MYRFL: variants seen among roughly 807,000 people sequenced by gnomAD.
The protein encoded by MYRFL is myelin regulatory factor like.
MYRFL carries 88 observed loss-of-function variants against 109.4 expected under a neutral mutation model. The observed-to-expected ratio is 0.80, with a 90% CI of 0.68 to 0.96. The LOEUF (loss-of-function observed/expected upper bound fraction) is 0.96, where lower values mean the gene tolerates loss of function less well. Ranked by LOEUF, MYRFL falls within the 40% of genes least tolerant of loss-of-function variation. MYRFL has a pLI of 0.00. For missense variants in MYRFL, 957 were observed against 954.9 expected (o/e 1.00, Z -0.03); for synonymous variants, 324 against 320.9 (o/e 1.01, Z -0.10).
intron 16 of MYRFL, among the ~76,000 whole-genome samples, chr12:69,934,101 G>A (rs958570411): frequency 6.6e-6 from 1 of 152,170 alleles, no homozygotes; most frequent in Non-Finnish European, 1.5e-5. Context: ...TTTAGAATTG[G>A]AATGGGGAGA....
chr12:69,846,781 C>G (rs1434752214), intron 1 of MYRFL, among the ~76,000 whole-genome samples: 2 of 151,804 alleles, frequency 1.3e-5, no homozygotes, highest in Admixed American at 1.3e-4. Context: ...ACACTGACTT[C>G]CACAAGGGTT....
chr12:69,905,391 T>C (rs999088410), intron 11 of MYRFL, among the ~76,000 whole-genome samples: 1 of 152,198 alleles, frequency 6.6e-6, no homozygotes, highest in East Asian at 1.9e-4. Flanking sequence ...TAAAAAGCCT[T>C]CTCCATCTAA....
intron 19 of MYRFL, among the ~76,000 whole-genome samples, chr12:69,944,980 AAT>A (rs201836452): frequency 0.035 from 5,279 of 152,246 alleles, 312 homozygotes; most frequent in African/African-American, 0.12. Context: ...CATTAATACA[AAT>A]TTTTTTAACG....
intron 10 of MYRFL, 80 bp downstream of exon 10, chr12:69,897,326 C>A: frequency 1.1e-6 from 1 of 924,650 alleles, no homozygotes; most frequent in Non-Finnish European, 1.7e-6. Context: ...CAATGGTGTG[C>A]TTGAATATGC....
intron 1 of MYRFL, among the ~76,000 whole-genome samples, chr12:69,829,890 C>T (rs140896577): frequency 3.0e-4 from 45 of 152,186 alleles, no homozygotes; most frequent in African/African-American, 8.9e-4. Flanking sequence ...GAGAACAGAA[C>T]CTGCCCAGTG....
chr12:69,910,140 T>A, intron 12 of MYRFL, 63 bp downstream of exon 12: 1 of 1,111,548 alleles, frequency 9.0e-7, no homozygotes, highest in Non-Finnish European at 1.3e-6. Context: ...AATTACCTCT[T>A]TATTTTGAGG....
At chr12:69,854,238 G>A (rs945850952) in intron 1 of MYRFL, among the ~76,000 whole-genome samples, 13 of 152,194 alleles carry the variant, frequency 8.5e-5, no homozygotes, top group African/African-American at 2.6e-4. Context: ...TCAGGCACTC[G>A]GCAGGCTGAG....
intron 16 of MYRFL, 69 bp from the exon 17 acceptor site, chr12:69,936,044 T>TGAGA (rs1206924687): frequency 3.2e-5 from 47 of 1,487,720 alleles, no homozygotes; most frequent in Non-Finnish European, 1.2e-5. Context: ...GCTGGATGTG[T>TGAGA]GAGATATATC....
chr12:69,887,022 C>G, intron 6 of MYRFL, 52 bp downstream of exon 6: 1 of 1,519,104 alleles, frequency 6.6e-7, no homozygotes, highest in Non-Finnish European at 8.8e-7. Flanking sequence ...AGTGCTAAAT[C>G]TCAGTACTGA....
intron 15 of MYRFL, among the ~76,000 whole-genome samples, chr12:69,929,677 T>G (rs1045417699): frequency 6.6e-6 from 1 of 152,068 alleles, no homozygotes; most frequent in Non-Finnish European, 1.5e-5. Flanking sequence ...AAACAGATAG[T>G]AAAAAGGAGG....
chr12:69,860,364 G>A (rs1359686173), intron 2 of MYRFL, among the ~76,000 whole-genome samples: 2 of 151,966 alleles, frequency 1.3e-5, no homozygotes, highest in Non-Finnish European at 2.9e-5. Flanking sequence ...GGACATTTAG[G>A]TTGATTCCAT....
At chr12:69,930,728 C>T (rs960115340) in intron 15 of MYRFL, among the ~76,000 whole-genome samples, 3 of 150,044 alleles carry the variant, frequency 2.0e-5, no homozygotes, top group African/African-American at 7.4e-5. Flanking sequence ...GGGAGGATCG[C>T]TTGAGCCCAG....
intron 19 of MYRFL, among the ~76,000 whole-genome samples, chr12:69,950,122 T>A (rs539576177): frequency 2.2e-4 from 34 of 151,880 alleles, no homozygotes; most frequent in African/African-American, 7.3e-4. Context: ...TTTTTTTTTT[T>A]ATAAGTTTTG....
At chr12:69,897,273 G>C in intron 10 of MYRFL, 27 bp downstream of exon 10, 1 of 1,479,444 alleles carries the variant, frequency 6.8e-7, no homozygotes, top group Non-Finnish European at 9.1e-7. Flanking sequence ...GACTTTTCTG[G>C]ATCTCACATG....
intron 6 of MYRFL, among the ~76,000 whole-genome samples, chr12:69,887,760 C>T (rs1886548022): frequency 6.6e-6 from 1 of 152,116 alleles, no homozygotes; most frequent in African/African-American, 2.4e-5. Flanking sequence ...GAAATATTTT[C>T]CTTAAAAGAA....
intron 13 of MYRFL, among the ~76,000 whole-genome samples, chr12:69,911,514 C>A (rs1159625608): frequency 6.6e-6 from 1 of 152,090 alleles, no homozygotes; most frequent in Non-Finnish European, 1.5e-5. Flanking sequence ...TCCCAAGGGC[C>A]TCTCTTAATT....
chr12:69,832,667 C>G (rs1882701278), intron 1 of MYRFL, among the ~76,000 whole-genome samples: 1 of 151,938 alleles, frequency 6.6e-6, no homozygotes, highest in Non-Finnish European at 1.5e-5. Flanking sequence ...CGTCACTGAG[C>G]TTGAAGTGGT....
chr12:69,930,283 T>A (rs932405940), intron 15 of MYRFL, among the ~76,000 whole-genome samples: 2 of 152,168 alleles, frequency 1.3e-5, no homozygotes, highest in Non-Finnish European at 2.9e-5. Context: ...GGCTGGGCCC[T>A]GCCTTTACTT....
rs1200948034 is a variant in MYRFL at position 69,952,335 on chromosome 12, C to G, written c.2287+160C>G. ...TGTGTTATAATCGATGCCACCCTAA[C>G]CACTAATGAGGCATTAGAAATGGTC... is the stretch of plus-strand genomic sequence containing the variant. On this transcript the variant is annotated intron_variant, in intron 20 of 24. Transcript: ENST00000552032. 7 of 648,826 alleles carry G rather than the reference C, an allele frequency of 1.1e-5. No homozygotes were observed. In the East Asian group the frequency reaches 1.9e-4, roughly 18 times the overall value. 40.2% of individuals were successfully genotyped at this position (648,826 alleles called of 1,614,324 possible).
Sources: allele counts gnomAD v4.1 joint callset (sites outside exome capture counted in the v4.1 genomes callset), GRCh38; gene constraint gnomAD v4.1.1; transcripts MANE v1.5; gene names NCBI Gene and HGNC (gene_info 2026-07-23, HGNC 2026-07-21).